The following BANK1 variants were observed in gnomAD, a reference collection of about 807,000 sequenced individuals.
The protein encoded by BANK1 is B-cell scaffold protein with ankyrin repeats.
A neutral mutation model predicts 94.5 loss-of-function variants in BANK1; 95 were observed. The observed-to-expected ratio is 1.00, with a 90% CI of 0.85 to 1.19. The LOEUF (loss-of-function observed/expected upper bound fraction) is 1.19. Ranked by LOEUF, BANK1 falls within the 50% of genes most tolerant of loss-of-function variation. The pLI, the probability that BANK1 is intolerant of heterozygous loss-of-function variation, is 0.00. For missense variants in BANK1, 987 were observed against 932.2 expected (o/e 1.06, Z -0.77); for synonymous variants, 334 against 308.4 (o/e 1.08, Z -0.87).
chr4:101,790,822 G>A lies in BANK1; in HGVS notation c.-59G>A. On this transcript the variant is annotated 5_prime_UTR_variant, in exon 1 of 17. Transcript: ENST00000322953. The stretch of plus-strand genomic sequence containing the variant: ...AATCGCGGGGAGTCTCTGGCCGGGA[G>A]AGTCCAGGTAGCGCTCGGCGGGCAG... 6.7e-7 allele frequency: 1 copy of A among 1,496,416 alleles called. No individual in the cohort carries two copies. The highest frequency in any genetic ancestry group is 9.0e-7 in the Non-Finnish European group (1 of 1,110,532). 92.7% of individuals were successfully genotyped at this position (1,496,416 alleles called of 1,614,324 possible).
chr4:102,067,063 A>G (rs901124387), intron 13 of BANK1, among the ~76,000 whole-genome samples: 2 of 152,140 alleles, frequency 1.3e-5, no homozygotes, highest in East Asian at 1.9e-4. Context: ...TGAAGTACTA[A>G]GGGGTATACT....
At chr4:101,925,274 G>A (rs1452748225) in intron 7 of BANK1, among the ~76,000 whole-genome samples, 1 of 151,586 alleles carries the variant, frequency 6.6e-6, no homozygotes, top group African/African-American at 2.4e-5. Flanking sequence ...ACAGAGCTAG[G>A]GTAGAAAATT....
intron 1 of BANK1, among the ~76,000 whole-genome samples, chr4:101,817,144 A>G (rs1725949344): frequency 1.3e-5 from 2 of 152,196 alleles, no homozygotes; most frequent in Non-Finnish European, 2.9e-5. Flanking sequence ...TTCAAAATGC[A>G]AAGAGGCCCA....
At chr4:102,060,108 G>C (rs1201788579) in intron 11 of BANK1, 103 bp from the exon 12 acceptor site, 1 of 1,021,008 alleles carries the variant, frequency 9.8e-7, no homozygotes, top group East Asian at 2.8e-5. Flanking sequence ...TGCTCATAGA[G>C]AGTTAAGAAG....
intron 7 of BANK1, among the ~76,000 whole-genome samples, chr4:101,935,374 G>A (rs114484671): frequency 0.026 from 3,952 of 151,580 alleles, 180 homozygotes; most frequent in African/African-American, 0.092. Flanking sequence ...CTGTTAACTT[G>A]CTGAAAAATA....
chr4:102,065,061 G>T (rs1728546650), intron 13 of BANK1, among the ~76,000 whole-genome samples: 1 of 152,154 alleles, frequency 6.6e-6, no homozygotes, highest in Middle Eastern at 3.2e-3. Flanking sequence ...AACTTCTAGG[G>T]TATTGAAAGC....
intron 2 of BANK1, among the ~76,000 whole-genome samples, chr4:101,841,654 T>C (rs1460769255): frequency 6.6e-6 from 1 of 151,708 alleles, no homozygotes; most frequent in Non-Finnish European, 1.5e-5. Flanking sequence ...CTTTAAGTTT[T>C]AGGGTACATG....
intron 5 of BANK1, among the ~76,000 whole-genome samples, chr4:101,885,207 G>A (rs946531993): frequency 6.6e-6 from 1 of 152,180 alleles, no homozygotes; most frequent in Non-Finnish European, 1.5e-5. Flanking sequence ...GTGAGCCACC[G>A]CACCCAGCCT....
intron 11 of BANK1, among the ~76,000 whole-genome samples, chr4:102,052,288 T>C (rs1728079192): frequency 2.0e-5 from 3 of 151,966 alleles, no homozygotes; most frequent in Admixed American, 1.3e-4. Context: ...CAGCTAATTT[T>C]TGTATTTTTA....
At chr4:101,916,913 T>G (rs745356975) in intron 6 of BANK1, among the ~76,000 whole-genome samples, 3 of 151,982 alleles carry the variant, frequency 2.0e-5, no homozygotes, top group Non-Finnish European at 4.4e-5. Flanking sequence ...TGCCATGAAA[T>G]GAAACAAATG....
chr4:101,941,026 C>G (rs942272522), intron 7 of BANK1, among the ~76,000 whole-genome samples: 1 of 151,742 alleles, frequency 6.6e-6, no homozygotes, highest in Admixed American at 6.6e-5. Flanking sequence ...TACTCTCCCC[C>G]CTTTACTTAT....
At chr4:101,935,758 C>T (rs1355549198) in intron 7 of BANK1, among the ~76,000 whole-genome samples, 2 of 151,378 alleles carry the variant, frequency 1.3e-5, no homozygotes, top group Non-Finnish European at 3.0e-5. Flanking sequence ...GAAATAAATC[C>T]ATACATCTAC....
intron 7 of BANK1, among the ~76,000 whole-genome samples, chr4:101,997,599 A>T (rs914233212): frequency 9.2e-5 from 14 of 151,970 alleles, no homozygotes; most frequent in Non-Finnish European, 7.4e-5. Context: ...CAATTTCAGA[A>T]CTTGTTATTG....
chr4:101,798,955 C>T (rs979764508), intron 1 of BANK1, among the ~76,000 whole-genome samples: 22 of 152,236 alleles, frequency 1.4e-4, no homozygotes, highest in Admixed American at 2.6e-4. Flanking sequence ...TGCAGAAGCT[C>T]TTTAGTTTAA....
chr4:102,058,426 A>G (rs1329967844), intron 11 of BANK1, among the ~76,000 whole-genome samples: 2 of 152,190 alleles, frequency 1.3e-5, no homozygotes, highest in East Asian at 3.8e-4. Context: ...AATGAAAATT[A>G]TATTAAATTC....
intron 13 of BANK1, among the ~76,000 whole-genome samples, chr4:102,071,031 T>C (rs1033192093): frequency 2.0e-5 from 3 of 152,132 alleles, no homozygotes; most frequent in Middle Eastern, 3.2e-3. Flanking sequence ...GTCAAACATA[T>C]CTAAAATCAT....
At chr4:101,826,165 C>G (rs76378922) in intron 1 of BANK1, among the ~76,000 whole-genome samples, 9,462 of 152,070 alleles carry the variant, frequency 0.062, 726 homozygotes, top group South Asian at 0.17. Flanking sequence ...CCCAGACTCC[C>G]AGTAAGCCTT....
chr4:101,970,582 A>G (rs996649787), intron 7 of BANK1, among the ~76,000 whole-genome samples: 1 of 152,112 alleles, frequency 6.6e-6, no homozygotes, highest in African/African-American at 2.4e-5. Context: ...TTTGTTTCAG[A>G]TGAACATTCA....
At chr4:101,886,978 C>T (rs1485711886) in intron 5 of BANK1, among the ~76,000 whole-genome samples, 1 of 152,098 alleles carries the variant, frequency 6.6e-6, no homozygotes, top group Non-Finnish European at 1.5e-5. Context: ...TATTGCATTT[C>T]CTCCCTTGAA....
Sources: gnomAD v4.1 joint callset for allele counts (sites outside exome capture counted in the v4.1 genomes callset) on GRCh38, gnomAD v4.1.1 for gene constraint, MANE v1.5 for transcripts, NCBI Gene and HGNC (gene_info 2026-07-23, HGNC 2026-07-21) for gene names.